SYCE1: variants seen among roughly 807,000 people sequenced by gnomAD.
SYCE1 encodes cancer/testis antigen 76.
In SYCE1, 37 loss-of-function variants were observed where a neutral mutation model predicts 55.1. That is an observed-to-expected ratio of 0.67 (90% CI 0.52 to 0.88). The LOEUF (loss-of-function observed/expected upper bound fraction) is 0.88. Ranked by LOEUF, SYCE1 falls within the 40% of genes least tolerant of loss-of-function variation. SYCE1 has a pLI of 0.00. For missense variants in SYCE1, 399 were observed against 416.4 expected (o/e 0.96, Z 0.36); for synonymous variants, 163 against 159.4 (o/e 1.02, Z -0.17).
chr10:133,557,131 T>C lies in SYCE1; in HGVS notation c.400A>G (p.Lys134Glu), dbSNP rs772624039. 12 of 1,614,150 alleles carry C rather than the reference T, an allele frequency of 7.4e-6. No individual in the cohort carries two copies. The highest frequency in any genetic ancestry group is 8.5e-6 in the Non-Finnish European group (10 of 1,180,030). The change falls in exon 7 of 13, where the codon AAG (lysine) becomes GAG (glutamate). Residue 134 changes from lysine (K) to glutamate (E), a missense_variant. Physicochemically the swap from Lys to Glu is moderately conservative, Grantham distance 56 (BLOSUM62 1). Transcript: ENST00000343131. ...HRKHTMLQEC[K>E]ERISALNLQI... ...AAGTTCAGGGCAGAAATTCTCTCCTTGCACTCCTGCAACATGGTGTGCTTC... is the reference window on the plus strand; with the variant it reads ...AAGTTCAGGGCAGAAATTCTCTCCTCGCACTCCTGCAACATGGTGTGCTTC...
intron 2 of SYCE1, chr10:133,559,755 G>A (rs1344274690): frequency 2.8e-6 from 1 of 357,968 alleles, no homozygotes; most frequent in East Asian, 5.5e-5. Flanking sequence ...TGGCTGGCAG[G>A]AGCCTAGCGA....
At chr10:133,566,945 G>C (rs191884048), upstream of SYCE1, among the ~76,000 whole-genome samples, 2 of 150,634 alleles carry the variant, frequency 1.3e-5, no homozygotes, top group Non-Finnish European at 3.0e-5. Flanking sequence ...TTCAGGGTTC[G>C]GTGTCAGGGT....
upstream of SYCE1, among the ~76,000 whole-genome samples, chr10:133,567,115 G>A (rs778503122): frequency 1.1e-4 from 16 of 151,338 alleles, no homozygotes; most frequent in Middle Eastern, 0.01. Context: ...AGGAGTAGGG[G>A]TTGAGGTTAT....
intron 3 of SYCE1, 36 bp from the exon 4 acceptor site, chr10:133,558,987 A>G: frequency 6.3e-7 from 1 of 1,589,244 alleles, no homozygotes; most frequent in Non-Finnish European, 8.6e-7. Flanking sequence ...GTGTGAGTGC[A>G]GCCTCTATTC....
chr10:133,557,781 G>T (rs1851722797), intron 6 of SYCE1, 83 bp downstream of exon 6: 2 of 1,468,662 alleles, frequency 1.4e-6, no homozygotes, highest in Non-Finnish European at 1.9e-6. Flanking sequence ...AGAGCTGTGG[G>T]TCTCAGATTC....
intron 6 of SYCE1, 166 bp downstream of exon 6, chr10:133,557,698 C>T (rs569392039): frequency 1.9e-5 from 13 of 692,180 alleles, no homozygotes; most frequent in Non-Finnish European, 3.0e-5. Context: ...TTTCCCTTAA[C>T]ACTACTGCCA....
In SYCE1 at chr10:133,559,334, C is replaced by T; in HGVS notation, c.163G>A (p.Val55Ile). The T allele has an allele frequency of 6.2e-7, 1 of 1,614,164 alleles. No individual in the cohort carries two copies. The highest frequency in any genetic ancestry group is 1.3e-5 in the African/African-American group (1 of 75,030). The stretch of plus-strand genomic sequence containing the variant: ...ACCTCATTAATCCGGTTAATCAGGA[C>T]CTCAACTCGGGGCTCTAGGCTTCCC... ...KVGSLEPRVE[V>I]LINRINEVQQ... The change falls in exon 3 of 13, where the codon GTC becomes ATC. Residue 55 changes from valine to isoleucine, a missense_variant. By Grantham distance (29) the Val-to-Ile change is conservative (BLOSUM62 3). Transcript: ENST00000343131.
upstream of SYCE1, among the ~76,000 whole-genome samples, chr10:133,566,847 GTGT>G (rs1171899870): frequency 2.4e-4 from 6 of 25,074 alleles, no homozygotes; most frequent in Admixed American, 7.5e-4. Flanking sequence ...GTTAGGCTTA[GTGT>G]TGTTAGGGTT....
At chr10:133,561,642 G>T (rs1851817087) in intron 1 of SYCE1, among the ~76,000 whole-genome samples, 1 of 152,116 alleles carries the variant, frequency 6.6e-6, no homozygotes, top group Non-Finnish European at 1.5e-5. Context: ...CTGAATTGGG[G>T]TTTGTCTTGG....
intron 1 of SYCE1, among the ~76,000 whole-genome samples, chr10:133,564,167 T>C (rs990841815): frequency 1.3e-5 from 2 of 151,784 alleles, no homozygotes; most frequent in Non-Finnish European, 2.9e-5. Flanking sequence ...GTCATGAGAG[T>C]AGGGCCCTCA....
intron 8 of SYCE1, chr10:133,556,310 CTG>C (rs1296973843): frequency 8.7e-6 from 5 of 574,038 alleles, no homozygotes; most frequent in African/African-American, 5.6e-5. Context: ...CCTGCAAGCA[CTG>C]TGAGTCTTGG....
chr10:133,558,843 G>C, intron 4 of SYCE1, 34 bp downstream of exon 4: 1 of 1,608,540 alleles, frequency 6.2e-7, no homozygotes, highest in Non-Finnish European at 8.5e-7. Context: ...TTAAGACACT[G>C]TGGGGACCTC....
upstream of SYCE1, among the ~76,000 whole-genome samples, chr10:133,566,304 G>T (rs143524169): frequency 6.6e-6 from 1 of 152,360 alleles, no homozygotes; most frequent in Non-Finnish European, 1.5e-5. Flanking sequence ...TACCGTGCAG[G>T]TGAGTGGGAG....
Position 133,558,981 on chromosome 10 carries a change from G to A in SYCE1, c.197-30C>T, listed in dbSNP as rs186364698. 2.9e-5 allele frequency: 46 copies of A among 1,595,398 alleles called. 1 individual carries two copies. In the Admixed American group the frequency reaches 7.7e-4, roughly 27 times the overall value. On this transcript the variant is annotated intron_variant, in intron 3 of 12. Coordinates refer to ENST00000343131, the MANE Select transcript of SYCE1 (RefSeq NM_001143764.3). ...ACCAAAGAGCAGAAAAACATTGTGT[G>A]AGTGCAGCCTCTATTCTCTTCCCAA...
At chr10:133,559,210 T>C in intron 3 of SYCE1, 91 bp downstream of exon 3, 2 of 1,409,602 alleles carry the variant, frequency 1.4e-6, no homozygotes, top group East Asian at 2.3e-5. Context: ...ACCAGTAACT[T>C]TGGAACAAGG....
rs1472988488 is a variant in SYCE1, at chr10:133,559,289, C to G, written c.196+12G>C. ...GCTGGTCCTAGCTGGCAGCCAAGGC[C>G]CCTGAACTCACCTTGCTGGACCTCA... On this transcript the variant is annotated intron_variant, in intron 3 of 12. Transcript: ENST00000343131. 6.2e-7 allele frequency: 1 copy of G among 1,613,930 alleles called. No individual in the cohort carries two copies. Among genetic ancestry groups the G allele is most frequent in the East Asian group, 2.2e-5 (1 of 44,896 alleles).
chr10:133,561,415 G>T (rs1406363781), intron 1 of SYCE1, among the ~76,000 whole-genome samples: 1 of 152,108 alleles, frequency 6.6e-6, no homozygotes, highest in African/African-American at 2.4e-5. Flanking sequence ...CCCAAAATTC[G>T]CTCCAGATCC....
upstream of SYCE1, among the ~76,000 whole-genome samples, chr10:133,567,581 C>T (rs187048734): frequency 1.1e-3 from 170 of 152,138 alleles, no homozygotes; most frequent in African/African-American, 3.8e-3. Flanking sequence ...TTACTTCCCC[C>T]CAAATTCTTA....
Position 133,556,755 on chromosome 10 carries a change from T to C in SYCE1, c.528+4A>G. 3 of 1,560,484 alleles carry C rather than the reference T, an allele frequency of 1.9e-6. No individual in the cohort carries two copies. The highest frequency in any genetic ancestry group is 2.6e-6 in the Non-Finnish European group (3 of 1,152,194). On this transcript the variant is annotated splice_donor_region_variant and intron_variant, in intron 8 of 12. Transcript: ENST00000343131. ...AGGGGGAGGAGTGGCTTTGAGGGAC[T>C]CACGTGGAAGTCCCAGAGGTCCTTG...
Sources: allele counts gnomAD v4.1 joint callset (sites outside exome capture counted in the v4.1 genomes callset), GRCh38; gene constraint gnomAD v4.1.1; transcripts MANE v1.5; gene names NCBI Gene and HGNC (gene_info 2026-07-23, HGNC 2026-07-21).